CFAP57: variants seen among roughly 807,000 people sequenced by gnomAD.
CFAP57 encodes cilia and flagella associated protein 57.
CFAP57 carries 116 observed loss-of-function variants against 146.8 expected under a neutral mutation model. The observed-to-expected ratio is 0.79, with a 90% CI of 0.68 to 0.92. The LOEUF (loss-of-function observed/expected upper bound fraction) is 0.92. Ranked by LOEUF, CFAP57 falls within the 40% of genes least tolerant of loss-of-function variation. The pLI, the probability that CFAP57 is intolerant of heterozygous loss-of-function variation, is 0.00. For missense variants in CFAP57, 1,377 were observed against 1,527.2 expected (o/e 0.90, Z 1.64); for synonymous variants, 518 against 552.8 (o/e 0.94, Z 0.88).
At chr1:43,248,029 A>T (rs1646176763) in intron 22 of CFAP57, among the ~76,000 whole-genome samples, 1 of 150,466 alleles carries the variant, frequency 6.6e-6, no homozygotes, top group Admixed American at 6.7e-5. Flanking sequence ...GGAGGTAGCC[A>T]CTCAGCTACT....
rs1416841642 is a variant in CFAP57, at chr1:43,198,578, C to T, written c.1360C>T (p.Arg454Cys). The change falls in exon 8 of 23, where the codon CGC (arginine) becomes TGC (cysteine). Residue 454 changes from arginine to cysteine, a missense_variant. Coordinates refer to ENST00000372492, the MANE Select transcript of CFAP57 (RefSeq NM_001378189.1). ...FIVVGFADKL[R>C]LMNLLIDDIR... The stretch of plus-strand genomic sequence containing the variant: ...TGTAGTAGGGTTTGCTGACAAACTA[C>T]GCCTCATGAATCTACTCATTGATGA... 1.1e-5 allele frequency: 18 copies of T among 1,613,944 alleles called. No homozygotes were observed. Among genetic ancestry groups the T allele is most frequent in the Non-Finnish European group, 1.5e-5 (18 of 1,180,008 alleles).
rs772313744 is a variant in CFAP57, at chr1:43,209,778, C to T, written c.1791C>T (p.Tyr597=). The T allele has an allele frequency of 1.2e-6, 2 of 1,614,198 alleles. No homozygotes were observed. The highest frequency in any genetic ancestry group is 1.7e-6 in the Non-Finnish European group (2 of 1,180,048). The change falls in exon 11 of 23, where the codon TAC becomes TAT. Residue 597 remains tyrosine, a synonymous_variant. Transcript: ENST00000372492. ...LREISAFDVT[Y]TAIVISHSGR... is the part of the protein sequence containing the mutation. The stretch of plus-strand genomic sequence containing the variant: ...AGATATCGGCGTTTGATGTCACCTA[C>T]ACCGCCATTGTCATCTCGCATTCTG...
intron 17 of CFAP57, among the ~76,000 whole-genome samples, chr1:43,226,460 A>G (rs1204905701): frequency 6.6e-6 from 1 of 152,176 alleles, no homozygotes; most frequent in Non-Finnish European, 1.5e-5. Flanking sequence ...TGGATGTCTC[A>G]GTGTAGTTGG....
Position 43,222,809 on chromosome 1 carries a change from C to G in CFAP57, c.2533-15C>G, listed in dbSNP as rs940846828. 2.6e-6 allele frequency: 4 copies of G among 1,526,766 alleles called. No individual in the cohort carries two copies. The highest frequency in any genetic ancestry group is 3.5e-6 in the Non-Finnish European group (4 of 1,135,210). The allele number at this position is 1,526,766 out of a possible 1,614,324, so 94.6% of individuals were successfully genotyped here. On this transcript the variant is annotated splice_polypyrimidine_tract_variant and intron_variant, in intron 15 of 22. Transcript: ENST00000372492. ...CCCTTCTCCCCTGACCACACGCCCA[C>G]TCTCTCTGAGCCAGGCACAGGAAGA...
chr1:43,202,205 G>A (rs1644155702), intron 9 of CFAP57, among the ~76,000 whole-genome samples: 1 of 152,112 alleles, frequency 6.6e-6, no homozygotes, highest in Non-Finnish European at 1.5e-5. Context: ...TACATATACT[G>A]TGTTAGAAAT....
chr1:43,180,724 T>C (rs527876805), intron 2 of CFAP57, among the ~76,000 whole-genome samples: 1 of 151,858 alleles, frequency 6.6e-6, no homozygotes, highest in Non-Finnish European at 1.5e-5. Context: ...TGCTGAAAAA[T>C]TTTAGGAAGG....
chr1:43,189,479 A>C (rs888251104), intron 6 of CFAP57, among the ~76,000 whole-genome samples: 2 of 152,188 alleles, frequency 1.3e-5, no homozygotes, highest in African/African-American at 4.8e-5. Flanking sequence ...ATATATTCTG[A>C]AAAATTTTCT....
chr1:43,182,824 A>G (rs1190090445), intron 3 of CFAP57, among the ~76,000 whole-genome samples: 1 of 152,210 alleles, frequency 6.6e-6, no homozygotes, highest in African/African-American at 2.4e-5. Context: ...CAGCCCCTCA[A>G]GTTGCTCACT....
intron 21 of CFAP57, among the ~76,000 whole-genome samples, chr1:43,236,661 G>GCAC (rs1645711156): frequency 7.1e-6 from 1 of 140,520 alleles, no homozygotes; most frequent in East Asian, 2.3e-4. Flanking sequence ...TGTAATCCCA[G>GCAC]CACTTTGGGA....
In CFAP57 at chr1:43,172,799, T is replaced by A; in HGVS notation, c.46T>A (p.Ser16Thr). ...GACGCTGCATGTTTTTGGTCTTCGATCCCACGTGGCCAACAATATCTTCTA... is the reference window on the plus strand; with the variant it reads ...GACGCTGCATGTTTTTGGTCTTCGAACCCACGTGGCCAACAATATCTTCTA... ...AQTLHVFGLRSHVANNIFYFD... is the reference protein window; with the variant it reads ...AQTLHVFGLRTHVANNIFYFD... The change falls in exon 2 of 23, where the codon TCC (serine) becomes ACC (threonine). Residue 16 changes from serine to threonine, a missense_variant. Coordinates refer to ENST00000372492, the MANE Select transcript of CFAP57 (RefSeq NM_001378189.1). 1.2e-6 allele frequency: 2 copies of A among 1,614,148 alleles called. No individual in the cohort carries two copies. The highest frequency in any genetic ancestry group is 2.2e-5 in the South Asian group (2 of 91,078).
At chr1:43,218,607 C>CA (rs34083888) in intron 12 of CFAP57, among the ~76,000 whole-genome samples, 136,120 of 147,958 alleles carry the variant, frequency 0.92, 62,883 homozygotes, top group East Asian at 1. Flanking sequence ...AACCATGTCT[C>CA]AAAAAAAAAG....
chr1:43,223,510 CA>C (rs919099550), intron 16 of CFAP57, among the ~76,000 whole-genome samples: 2 of 152,120 alleles, frequency 1.3e-5, no homozygotes, highest in African/African-American at 4.8e-5. Context: ...CACTCACCAT[CA>C]GGGGTGAGGG....
Position 43,253,966 on chromosome 1 carries a change from GTC to G in CFAP57, c.3539-7_3539-6del. On this transcript the variant is annotated splice_polypyrimidine_tract_variant and intron_variant, in intron 22 of 22. Transcript: ENST00000372492. ...TGGACAGGCCCACATGAGTCCTGTT[GTC>G]TCTTACAGAACCCAGCAGGGACATG... 6.5e-7 allele frequency: 1 copy of G among 1,550,382 alleles called. No individual in the cohort carries two copies. Among genetic ancestry groups the G allele is most frequent in the Middle Eastern group, 1.7e-4 (1 of 5,990 alleles).
At chr1:43,248,791 G>C (rs1405190222) in intron 22 of CFAP57, among the ~76,000 whole-genome samples, 2 of 151,890 alleles carry the variant, frequency 1.3e-5, no homozygotes, top group African/African-American at 4.8e-5. Context: ...ACCCTAAAAA[G>C]CAAGAAATCC....
intron 22 of CFAP57, among the ~76,000 whole-genome samples, chr1:43,252,463 A>C (rs909279529): frequency 6.6e-6 from 1 of 152,064 alleles, no homozygotes; most frequent in Non-Finnish European, 1.5e-5. Context: ...TAGTGTCCCT[A>C]GGCCCCAAGC....
intron 12 of CFAP57, among the ~76,000 whole-genome samples, chr1:43,216,771 A>G (rs914085499): frequency 6.6e-6 from 1 of 152,068 alleles, no homozygotes; most frequent in Admixed American, 6.5e-5. Context: ...AACTCTCTTT[A>G]TATTCCATTA....
chr1:43,246,633 G>A (rs554185484), intron 22 of CFAP57, among the ~76,000 whole-genome samples: 9 of 152,260 alleles, frequency 5.9e-5, no homozygotes, highest in South Asian at 2.1e-4. Context: ...TTTATTTGGC[G>A]AATGACACAA....
intron 21 of CFAP57, among the ~76,000 whole-genome samples, chr1:43,237,982 G>A (rs1237478706): frequency 6.6e-6 from 1 of 152,152 alleles, no homozygotes; most frequent in African/African-American, 2.4e-5. Flanking sequence ...GTCATGTTAA[G>A]GGTAGATGAG....
intron 19 of CFAP57, among the ~76,000 whole-genome samples, chr1:43,233,568 G>A (rs1271916191): frequency 6.6e-6 from 1 of 152,226 alleles, no homozygotes; most frequent in South Asian, 2.1e-4. Context: ...ACCAGCAGCT[G>A]CAGAGCTATA....
Sources: allele counts gnomAD v4.1 joint callset (sites outside exome capture counted in the v4.1 genomes callset), GRCh38; gene constraint gnomAD v4.1.1; transcripts MANE v1.5; gene names NCBI Gene and HGNC (gene_info 2026-07-23, HGNC 2026-07-21).